The following HIVEP2 variants were observed in gnomAD, a reference collection of about 807,000 sequenced individuals.
HIVEP2 encodes the protein transcription factor HIVEP2.
HIVEP2 carries 14 observed loss-of-function variants against 180.7 expected under a neutral mutation model. The ratio of observed to expected loss-of-function variants is 0.08; its 90% CI spans 0.05 to 0.12. The LOEUF is 0.12. HIVEP2 is among the 10% of genes least tolerant of loss of function. The pLI, the probability that HIVEP2 is intolerant of heterozygous loss-of-function variation, is 1.00. For missense variants in HIVEP2, 2,579 were observed against 3,008.5 expected (o/e 0.86, Z 3.34); for synonymous variants, 1,184 against 1,136.4 (o/e 1.04, Z -0.84).
intron 1 of HIVEP2, among the ~76,000 whole-genome samples, chr6:142,916,855 A>T (rs923239969): frequency 3.3e-5 from 5 of 152,226 alleles, no homozygotes; most frequent in Non-Finnish European, 7.3e-5. Flanking sequence ...AATAATCAAC[A>T]GTAAGCAAAT....
intron 2 of HIVEP2, among the ~76,000 whole-genome samples, chr6:142,818,534 T>C (rs1305014807): frequency 6.6e-6 from 1 of 151,748 alleles, no homozygotes; most frequent in Non-Finnish European, 1.5e-5. Context: ...CCAGGCGTGG[T>C]GGCATATGCC....
chr6:142,773,467 G>T lies in HIVEP2; in HGVS notation c.1272C>A (p.Ile424=), dbSNP rs1222964686. The T allele has an allele frequency of 1.2e-6, 2 of 1,614,078 alleles. No individual in the cohort carries two copies. The highest frequency in any genetic ancestry group is 1.7e-6 in the Non-Finnish European group (2 of 1,180,040). The part of the protein sequence containing the change: ...PNTNAKSYEE[I]IFGKYCRLSP... The stretch of plus-strand genomic sequence containing the variant: ...TAAGCCGACAGTATTTTCCAAAGAT[G>T]ATTTCTTCATAAGACTTTGCATTTG... Residue 424 remains isoleucine, a synonymous_variant, in exon 5 of 10, where the codon ATC becomes ATA. Transcript: ENST00000367603.
intron 1 of HIVEP2, among the ~76,000 whole-genome samples, chr6:142,859,958 C>T (rs1192253573): frequency 4.6e-5 from 7 of 151,710 alleles, no homozygotes; most frequent in Admixed American, 1.3e-4. Context: ...TTTGAAAGTT[C>T]CTGAAAAGAA....
At chr6:142,797,352 A>G (rs1191599340) in intron 2 of HIVEP2, among the ~76,000 whole-genome samples, 1 of 152,184 alleles carries the variant, frequency 6.6e-6, no homozygotes, top group African/African-American at 2.4e-5. Flanking sequence ...ATACTTTCCT[A>G]CATGGAACAA....
At chr6:142,762,774 A>G (rs368752590) in intron 7 of HIVEP2, among the ~76,000 whole-genome samples, 1 of 152,240 alleles carries the variant, frequency 6.6e-6, no homozygotes, top group South Asian at 2.1e-4. Flanking sequence ...GTTGTTTATT[A>G]TTTTACTCAT....
In HIVEP2 at chr6:142,873,052, G is replaced by A. The variant is rs572891662; in HGVS notation, c.-640-36005C>T. The stretch of plus-strand genomic sequence containing the variant: ...AATATTCCCCTCACAAGAAGAATCT[G>A]CAATTCCAATTCTAAAGCATTACAC... On this transcript the variant is annotated intron_variant, in intron 1 of 9. Coordinates refer to ENST00000367603, the MANE Select transcript of HIVEP2 (RefSeq NM_006734.4). Among the ~76,000 whole-genome samples, 4 of 152,286 alleles carry A rather than the reference G, an allele frequency of 2.6e-5. No individual in the cohort carries two copies. The East Asian group carries it at 7.7e-4, about 29-fold the overall frequency.
chr6:142,857,959 C>T (rs971155964), intron 1 of HIVEP2, among the ~76,000 whole-genome samples: 1 of 152,118 alleles, frequency 6.6e-6, no homozygotes, highest in Non-Finnish European at 1.5e-5. Flanking sequence ...CTGTCCCCCA[C>T]CATTGGCTTC....
chr6:142,878,999 A>G (rs1776516348), intron 1 of HIVEP2, among the ~76,000 whole-genome samples: 1 of 152,128 alleles, frequency 6.6e-6, no homozygotes. Context: ...ATCCTCTATT[A>G]TGTTATTTAT....
chr6:142,893,405 T>C (rs1006375315), intron 1 of HIVEP2, among the ~76,000 whole-genome samples: 2 of 152,216 alleles, frequency 1.3e-5, no homozygotes, highest in African/African-American at 2.4e-5. Context: ...CTTGAAAAAT[T>C]TGATAATCTA....
intron 1 of HIVEP2, among the ~76,000 whole-genome samples, chr6:142,866,524 T>TA (rs11393323): frequency 0.25 from 38,614 of 152,008 alleles, 5,325 homozygotes; most frequent in South Asian, 0.35. Context: ...ACTCCTTTAT[T>TA]ACCTCTTTCT....
At chr6:142,905,611 C>T (rs943493188) in intron 1 of HIVEP2, among the ~76,000 whole-genome samples, 2 of 152,174 alleles carry the variant, frequency 1.3e-5, no homozygotes, top group Admixed American at 1.3e-4. Flanking sequence ...TCTTAATTTA[C>T]TAGCCAGATT....
chr6:142,856,331 G>A (rs111936185), intron 1 of HIVEP2, among the ~76,000 whole-genome samples: 23 of 152,050 alleles, frequency 1.5e-4, no homozygotes, highest in African/African-American at 5.6e-4. Flanking sequence ...ACTTGCTTGG[G>A]TCACTGCCCC....
intron 2 of HIVEP2, among the ~76,000 whole-genome samples, chr6:142,819,522 G>C (rs1219354724): frequency 1.3e-5 from 2 of 152,180 alleles, no homozygotes; most frequent in African/African-American, 4.8e-5. Context: ...ATATATAACA[G>C]GGAAGAAGAT....
intron 1 of HIVEP2, among the ~76,000 whole-genome samples, chr6:142,845,656 C>T (rs1302766125): frequency 6.6e-6 from 1 of 152,168 alleles, no homozygotes; most frequent in African/African-American, 2.4e-5. Context: ...GAAGATTTCC[C>T]GAGCCAGAAT....
intron 3 of HIVEP2, among the ~76,000 whole-genome samples, chr6:142,782,164 C>T (rs1775876304): frequency 6.6e-6 from 1 of 152,128 alleles, no homozygotes; most frequent in South Asian, 2.1e-4. Flanking sequence ...TATGACACTT[C>T]TAAACATTTC....
At chr6:142,776,246 G>A (rs1372141643) in intron 3 of HIVEP2, 55 bp from the exon 4 acceptor site, 3 of 152,400 alleles carry the variant, frequency 2.0e-5, no homozygotes, top group Non-Finnish European at 2.9e-5. Flanking sequence ...CCTTACCATC[G>A]ATATATACAA....
chr6:142,846,717 C>T (rs534502475), intron 1 of HIVEP2, among the ~76,000 whole-genome samples: 1 of 152,272 alleles, frequency 6.6e-6, no homozygotes, highest in South Asian at 2.1e-4. Context: ...AGAGGTTTAC[C>T]CACTTGCTCA....
chr6:142,758,045 A>G (rs114433523), intron 9 of HIVEP2, among the ~76,000 whole-genome samples: 7 of 152,318 alleles, frequency 4.6e-5, no homozygotes, highest in African/African-American at 1.7e-4. Context: ...TGCCAGCATC[A>G]CTGCGTGTAT....
chr6:142,876,148 G>T (rs1405779432), intron 1 of HIVEP2, among the ~76,000 whole-genome samples: 1 of 152,158 alleles, frequency 6.6e-6, no homozygotes, highest in Non-Finnish European at 1.5e-5. Flanking sequence ...TCAAAACGTT[G>T]TAAAGAGTTG....
Sources: gnomAD v4.1 joint callset for allele counts (sites outside exome capture counted in the v4.1 genomes callset) on GRCh38, gnomAD v4.1.1 for gene constraint, MANE v1.5 for transcripts, NCBI Gene and HGNC (gene_info 2026-07-23, HGNC 2026-07-21) for gene names.